CDK6: variants seen among roughly 807,000 people sequenced by gnomAD.
CDK6 encodes the protein cyclin dependent kinase 6.
A neutral mutation model predicts 37.1 loss-of-function variants in CDK6; 6 were observed. That is an observed-to-expected ratio of 0.16 (90% CI 0.09 to 0.32). The LOEUF (loss-of-function observed/expected upper bound fraction) is 0.32. Ranked by LOEUF, CDK6 falls within the 10% of genes least tolerant of loss-of-function variation. The pLI, the probability that CDK6 is intolerant of heterozygous loss-of-function variation, is 1.00. For missense variants in CDK6, 224 were observed against 418.9 expected (o/e 0.53, Z 4.06); for synonymous variants, 160 against 161.3 (o/e 0.99, Z 0.06).
At chr7:92,627,384 AGGAACTGGGG>A (rs1795951830) in intron 5 of CDK6, among the ~76,000 whole-genome samples, 1 of 152,134 alleles carries the variant, frequency 6.6e-6, no homozygotes, top group Admixed American at 6.6e-5. Context: ...TGATGGCATT[AGGAACTGGGG>A]CCTTTGGGAG....
chr7:92,620,741 CTA>C (rs1795789426), intron 6 of CDK6, among the ~76,000 whole-genome samples: 1 of 152,010 alleles, frequency 6.6e-6, no homozygotes, highest in Non-Finnish European at 1.5e-5. Context: ...AACTCCATCT[CTA>C]TAAAAAATAT....
chr7:92,646,807 T>C (rs538043542), intron 5 of CDK6, among the ~76,000 whole-genome samples: 15 of 152,298 alleles, frequency 9.8e-5, no homozygotes, highest in African/African-American at 3.4e-4. Context: ...GAGTTAAATA[T>C]ATTAAGTGTA....
Position 92,612,466 on chromosome 7 carries a change from G to A in CDK6, c.*2674C>T, listed in dbSNP as rs938609649. 4.7e-5 allele frequency: 11 copies of A among 232,986 alleles called. No homozygotes were observed. The highest frequency in any genetic ancestry group is 2.4e-4 in the African/African-American group (11 of 45,336). 14.4% of individuals were successfully genotyped at this position (232,986 alleles called of 1,614,324 possible). ...GTGTTGGATCTGGATTTCAGAAATG[G>A]CGAATCTGGACATAAAATACATAAA... On this transcript the variant is annotated 3_prime_UTR_variant, in exon 8 of 8. Transcript: ENST00000424848.
chr7:92,750,626 A>G (rs2115676830), intron 3 of CDK6, among the ~76,000 whole-genome samples: 1 of 152,356 alleles, frequency 6.6e-6, no homozygotes, highest in South Asian at 2.1e-4. Flanking sequence ...TCTAAACAAA[A>G]GTAACACAAA....
intron 3 of CDK6, among the ~76,000 whole-genome samples, chr7:92,749,043 A>G (rs1412442403): frequency 6.6e-6 from 1 of 151,970 alleles, no homozygotes; most frequent in Non-Finnish European, 1.5e-5. Flanking sequence ...TACTAAAAAT[A>G]CAAAACTTAG....
At chr7:92,775,081 G>T (rs960517142) in intron 2 of CDK6, among the ~76,000 whole-genome samples, 4 of 152,210 alleles carry the variant, frequency 2.6e-5, no homozygotes, top group Non-Finnish European at 2.9e-5. Flanking sequence ...AAAGCAACGC[G>T]CTTGGAGCAC....
intron 4 of CDK6, among the ~76,000 whole-genome samples, chr7:92,717,748 T>C (rs150001668): frequency 1.3e-5 from 2 of 152,338 alleles, no homozygotes; most frequent in East Asian, 3.9e-4. Flanking sequence ...TGAATGACTA[T>C]CTTTTATAAA....
At chr7:92,660,616 G>C (rs1796813754) in intron 5 of CDK6, among the ~76,000 whole-genome samples, 1 of 152,142 alleles carries the variant, frequency 6.6e-6, no homozygotes, top group Non-Finnish European at 1.5e-5. Context: ...AGGAAACAGG[G>C]AGACAGATTG....
intron 2 of CDK6, among the ~76,000 whole-genome samples, chr7:92,814,689 C>T (rs1254221702): frequency 6.6e-6 from 1 of 151,352 alleles, no homozygotes; most frequent in Non-Finnish European, 1.5e-5. Flanking sequence ...AAGAAATAAA[C>T]CCATAATTAC....
intron 5 of CDK6, among the ~76,000 whole-genome samples, chr7:92,663,965 C>A (rs998730216): frequency 4.6e-5 from 7 of 151,596 alleles, no homozygotes; most frequent in Admixed American, 3.9e-4. Flanking sequence ...CACGGTGAAA[C>A]CCCGTCTCTA....
chr7:92,631,091 TG>T (rs776893184), intron 5 of CDK6, among the ~76,000 whole-genome samples: 3 of 152,152 alleles, frequency 2.0e-5, no homozygotes, highest in Non-Finnish European at 4.4e-5. Flanking sequence ...TGTGCCTTCC[TG>T]GGAGAGAAGG....
In CDK6 at chr7:92,615,128, G is replaced by C. The variant is rs1403539225; in HGVS notation, c.*12C>G. ...TTCTCCGCAGGATCAGCTTAAGGCG[G>C]CTGCTGAGGCCTCAGGCTGTATTCA... On this transcript the variant is annotated 3_prime_UTR_variant, in exon 8 of 8. Transcript: ENST00000424848. 3 of 1,613,052 alleles carry C rather than the reference G, an allele frequency of 1.9e-6. No individual in the cohort carries two copies. The highest frequency in any genetic ancestry group is 2.5e-6 in the Non-Finnish European group (3 of 1,179,910).
intron 5 of CDK6, among the ~76,000 whole-genome samples, chr7:92,635,750 CA>C: frequency 6.6e-6 from 1 of 152,192 alleles, no homozygotes; most frequent in Non-Finnish European, 1.5e-5. Context: ...ATCTTTGGCC[CA>C]AATCTCTAGA....
chr7:92,754,668 A>C (rs1290584636), intron 3 of CDK6, among the ~76,000 whole-genome samples: 1 of 152,194 alleles, frequency 6.6e-6, no homozygotes, highest in East Asian at 1.9e-4. Context: ...TCAATCTTTA[A>C]AAAATAAAAC....
Position 92,608,079 on chromosome 7 carries a change from T to C in CDK6, c.*7061A>G, listed in dbSNP as rs1795469869. ...GGGTACAACGGGTATCTTCAGAACT[T>C]TAACCTAAGCACATCAACGGAATTT... On this transcript the variant is annotated 3_prime_UTR_variant, in exon 8 of 8. Transcript: ENST00000424848. 4.3e-6 allele frequency: 1 copy of C among 233,098 alleles called. No homozygotes were observed. The highest frequency in any genetic ancestry group is 2.2e-5 in the African/African-American group (1 of 45,312). 14.4% of individuals were successfully genotyped at this position (233,098 alleles called of 1,614,324 possible).
intron 2 of CDK6, among the ~76,000 whole-genome samples, chr7:92,783,887 T>C (rs530264150): frequency 6.6e-6 from 1 of 152,280 alleles, no homozygotes; most frequent in African/African-American, 2.4e-5. Flanking sequence ...TCATTCCAGA[T>C]CAATTCCTGA....
chr7:92,784,554 C>T (rs1800075364), intron 2 of CDK6, among the ~76,000 whole-genome samples: 1 of 152,092 alleles, frequency 6.6e-6, no homozygotes, highest in African/African-American at 2.4e-5. Flanking sequence ...ACTCCAAAAA[C>T]ATAAATATGA....
intron 4 of CDK6, among the ~76,000 whole-genome samples, chr7:92,716,900 A>G (rs982227239): frequency 6.6e-6 from 1 of 152,142 alleles, no homozygotes; most frequent in African/African-American, 2.4e-5. Context: ...AGGAGGCAAA[A>G]TGTTTTTTCA....
chr7:92,743,007 A>G lies in CDK6; in HGVS notation c.370-17214T>C, dbSNP rs376001095. Among the ~76,000 whole-genome samples the G allele has an allele frequency of 5.7e-3, 860 of 151,890 alleles. 5 individuals are homozygous for G. Among genetic ancestry groups the G allele is most frequent in the Non-Finnish European group, 0.01 (681 of 67,966 alleles). ...TATATTTTTTTAAGTGCTCAGATAG[A>G]AGAGAGGTCCAAGTGATAAGACCAT... On this transcript the variant is annotated intron_variant, in intron 3 of 7. Coordinates refer to ENST00000424848, the MANE Select transcript of CDK6 (RefSeq NM_001145306.2).
Sources: gnomAD v4.1 joint callset for allele counts (sites outside exome capture counted in the v4.1 genomes callset) on GRCh38, gnomAD v4.1.1 for gene constraint, MANE v1.5 for transcripts, NCBI Gene and HGNC (gene_info 2026-07-23, HGNC 2026-07-21) for gene names.